SDCCAG8: variants seen among roughly 807,000 people sequenced by gnomAD.
SDCCAG8 encodes the protein serologically defined colon cancer antigen 8.
In SDCCAG8, 74 loss-of-function variants were observed where a neutral mutation model predicts 101.8. That is an observed-to-expected ratio of 0.73 (90% CI 0.60 to 0.88). The LOEUF (loss-of-function observed/expected upper bound fraction) is 0.88. Among genes scored for constraint, SDCCAG8 ranks in the 40% least tolerant of loss-of-function variants. The pLI is 0.00. For missense variants in SDCCAG8, 787 were observed against 822.6 expected (o/e 0.96, Z 0.53); for synonymous variants, 281 against 292.9 (o/e 0.96, Z 0.41).
At chr1:243,432,649 G>A (rs2081869824) in intron 16 of SDCCAG8, among the ~76,000 whole-genome samples, 1 of 152,114 alleles carries the variant, frequency 6.6e-6, no homozygotes, top group African/African-American at 2.4e-5. Context: ...ATTTGTTATT[G>A]ATTTTATAAC....
intron 6 of SDCCAG8, among the ~76,000 whole-genome samples, chr1:243,295,666 C>T (rs1558250726): frequency 6.6e-6 from 1 of 152,162 alleles, no homozygotes; most frequent in African/African-American, 2.4e-5. Context: ...TGCAGTCCTC[C>T]CTCCCCAAAA....
At chr1:243,433,177 C>T (rs2081908927) in intron 16 of SDCCAG8, among the ~76,000 whole-genome samples, 1 of 151,950 alleles carries the variant, frequency 6.6e-6, no homozygotes, top group Non-Finnish European at 1.5e-5. Context: ...TTAGTTTATT[C>T]TGTGTTTATT....
chr1:243,477,424 A>G, intron 16 of SDCCAG8, among the ~76,000 whole-genome samples: 1 of 152,232 alleles, frequency 6.6e-6, no homozygotes, highest in East Asian at 1.9e-4. Flanking sequence ...ATGGTCTTCT[A>G]GGTTCTTCAA....
intron 9 of SDCCAG8, among the ~76,000 whole-genome samples, chr1:243,325,946 A>G (rs1418194362): frequency 6.6e-6 from 1 of 152,208 alleles, no homozygotes; most frequent in East Asian, 1.9e-4. Context: ...GTGCAGTCAC[A>G]CCTTGATAAA....
intron 10 of SDCCAG8, chr1:243,338,812 G>A (rs1380597274): frequency 6.6e-6 from 1 of 152,402 alleles, no homozygotes; most frequent in Non-Finnish European, 1.5e-5. Context: ...CCCTGTCAAA[G>A]TTTAAAGGAC....
chr1:243,431,250 A>G (rs537619251), intron 16 of SDCCAG8, among the ~76,000 whole-genome samples: 25 of 152,334 alleles, frequency 1.6e-4, no homozygotes, highest in Middle Eastern at 3.4e-3. Context: ...TAGTCAAGCA[A>G]TGATGATGCT....
chr1:243,482,362 C>A (rs1663912328), intron 16 of SDCCAG8, among the ~76,000 whole-genome samples: 1 of 152,138 alleles, frequency 6.6e-6, no homozygotes, highest in South Asian at 2.1e-4. Flanking sequence ...CTTATGAGTC[C>A]CCTGTGATTT....
intron 13 of SDCCAG8, among the ~76,000 whole-genome samples, chr1:243,406,079 G>C (rs931578901): frequency 6.6e-6 from 1 of 152,138 alleles, no homozygotes; most frequent in African/African-American, 2.4e-5. Context: ...ATTAGTTACT[G>C]GGAATTTGTA....
intron 13 of SDCCAG8, among the ~76,000 whole-genome samples, chr1:243,391,081 G>A (rs764379704): frequency 1.6e-4 from 25 of 152,180 alleles, no homozygotes; most frequent in Non-Finnish European, 3.2e-4. Context: ...TGACATGTGC[G>A]TGCCACTGTG....
chr1:243,342,933 T>C (rs2075465203), intron 11 of SDCCAG8, among the ~76,000 whole-genome samples: 1 of 152,202 alleles, frequency 6.6e-6, no homozygotes. Flanking sequence ...TAATTTATTT[T>C]TAAAATTACT....
intron 16 of SDCCAG8, among the ~76,000 whole-genome samples, chr1:243,471,840 C>T (rs998373516): frequency 6.6e-6 from 1 of 152,094 alleles, no homozygotes; most frequent in African/African-American, 2.4e-5. Flanking sequence ...GTCACAGGTG[C>T]CATTTACTCA....
Position 243,416,369 on chromosome 1 carries a change from G to A in SDCCAG8, c.1744+540G>A, listed in dbSNP as rs533826743. Among the ~76,000 whole-genome samples the A allele has an allele frequency of 2.0e-5, 3 of 152,332 alleles. No homozygotes were observed. The highest frequency in any genetic ancestry group is 7.2e-5 in the African/African-American group (3 of 41,578). Reference sequence around the variant, plus strand: ...TCTTAATTCACTGTCGCAGCTGGATGTAATTCAGTGGCTCCAAATTGATAT... The same window carrying A: ...TCTTAATTCACTGTCGCAGCTGGATATAATTCAGTGGCTCCAAATTGATAT... On this transcript the variant is annotated intron_variant, in intron 14 of 17. Coordinates refer to ENST00000366541, the MANE Select transcript of SDCCAG8 (RefSeq NM_006642.5). This position sits in a 1 kb window ranked among gnomAD's most constrained non-coding sequence, Gnocchi z 4.3.
rs759482577 is a variant in SDCCAG8 at position 243,418,034 on chromosome 1, G to A, written c.1811G>A (p.Cys604Tyr). Reference sequence around the variant, plus strand: ...TTGACAAAGTTAAAGGAAGAATGCTGTACATTAGCCAAGAAACTGGAACAA... The same window carrying A: ...TTGACAAAGTTAAAGGAAGAATGCTATACATTAGCCAAGAAACTGGAACAA... ...TFLTKLKEEC[C>Y]TLAKKLEQIS... Residue 604 changes from cysteine (C) to tyrosine (Y), a missense_variant, in exon 15 of 18, where the codon TGT becomes TAT. Cys to Tyr is a radical substitution (Grantham distance 194, BLOSUM62 -2). Coordinates refer to ENST00000366541, the MANE Select transcript of SDCCAG8 (RefSeq NM_006642.5). 3 of 1,613,046 alleles carry A rather than the reference G, an allele frequency of 1.9e-6. No individual in the cohort carries two copies. The South Asian group carries it at 3.3e-5, about 18-fold the overall frequency.
chr1:243,303,491 G>A lies in SDCCAG8; in HGVS notation c.676-1222G>A, dbSNP rs58648039. Among the ~76,000 whole-genome samples, 568 of 152,226 alleles carry A rather than the reference G, an allele frequency of 3.7e-3. 4 individuals are homozygous for A. Among genetic ancestry groups the A allele is most frequent in the African/African-American group, 0.013 (532 of 41,544 alleles). On this transcript the variant is annotated intron_variant, in intron 6 of 17. Transcript: ENST00000366541. ...TCTCTTCTGCCTCTGCCATCCCTGA[G>A]AAGACAAGACCAACCCCTCCTTTTC... is the stretch of plus-strand genomic sequence containing the variant.
At chr1:243,432,299 T>C (rs927911089) in intron 16 of SDCCAG8, among the ~76,000 whole-genome samples, 1 of 152,060 alleles carries the variant, frequency 6.6e-6, no homozygotes, top group Non-Finnish European at 1.5e-5. Flanking sequence ...AGATACCGTA[T>C]GTTCTCATTG....
intron 1 of SDCCAG8, among the ~76,000 whole-genome samples, chr1:243,263,885 G>C (rs1031932792): frequency 1.3e-5 from 2 of 152,304 alleles, no homozygotes; most frequent in African/African-American, 4.8e-5. Flanking sequence ...AGTGTTACCT[G>C]TTGGTCCCCT....
At chr1:243,483,151 G>C (rs1043643880) in intron 16 of SDCCAG8, among the ~76,000 whole-genome samples, 1 of 152,206 alleles carries the variant, frequency 6.6e-6, no homozygotes, top group South Asian at 2.1e-4. Flanking sequence ...CGACGGTGAG[G>C]GGGGTGAAGG....
At chr1:243,265,918 A>G (rs1290935439) in intron 1 of SDCCAG8, among the ~76,000 whole-genome samples, 1 of 151,852 alleles carries the variant, frequency 6.6e-6, no homozygotes, top group African/African-American at 2.4e-5. Flanking sequence ...TCTTTTTCCT[A>G]ATATAGTTTA....
At chr1:243,415,534 G>A (rs2080514494) in intron 13 of SDCCAG8, among the ~76,000 whole-genome samples, 168 bp from the exon 14 acceptor site, 1 of 152,166 alleles carries the variant, frequency 6.6e-6, no homozygotes. Context: ...CTGTATGGAA[G>A]GTTGTTTGGA....
Sources: gnomAD v4.1 joint callset for allele counts (sites outside exome capture counted in the v4.1 genomes callset) on GRCh38, gnomAD v4.1.1 for gene constraint, Gnocchi (gnomAD v3.1) non-coding constraint, MANE v1.5 for transcripts, NCBI Gene and HGNC (gene_info 2026-07-23, HGNC 2026-07-21) for gene names.